Variants in PTPN22 observed in about 807,000 individuals in gnomAD.
PTPN22 encodes protein tyrosine phosphatase non-receptor type 22.
Under a neutral mutation model 103.3 loss-of-function variants are expected in PTPN22, and 85 were observed. The ratio of observed to expected loss-of-function variants is 0.82; its 90% CI spans 0.69 to 0.99. PTPN22 has a LOEUF of 0.99. PTPN22 is among the 50% of genes least tolerant of loss of function. The pLI is 0.00. For synonymous variants in PTPN22, 323 were observed against 310.2 expected (o/e 1.04, Z -0.43); for missense variants, 865 against 936.9 (o/e 0.92, Z 1.00).
intron 4 of PTPN22, 198 bp from the exon 5 acceptor site, chr1:113,857,974 T>C: frequency 2.2e-6 from 1 of 454,982 alleles, no homozygotes. Flanking sequence ...TTCCCCTTTC[T>C]CTGTTCAGAC....
chr1:113,851,945 C>G (rs1357107999), intron 10 of PTPN22, 82 bp downstream of exon 10: 2 of 998,722 alleles, frequency 2.0e-6, no homozygotes, highest in Non-Finnish European at 3.0e-6. Flanking sequence ...TCTGAGCAGT[C>G]AGCTGTTTTT....
intron 7 of PTPN22, among the ~76,000 whole-genome samples, chr1:113,856,079 T>A (rs1180825926): frequency 1.3e-5 from 2 of 152,196 alleles, no homozygotes; most frequent in Non-Finnish European, 2.9e-5. Flanking sequence ...AGTGGCACCA[T>A]CTCGGTTCAC....
intron 10 of PTPN22, 54 bp downstream of exon 10, chr1:113,851,973 A>C: frequency 7.1e-7 from 1 of 1,402,184 alleles, no homozygotes; most frequent in Middle Eastern, 1.8e-4. Flanking sequence ...TCACCATTAA[A>C]CAGATGGAGC....
chr1:113,855,161 C>A, intron 7 of PTPN22, 112 bp from the exon 8 acceptor site: 1 of 897,534 alleles, frequency 1.1e-6, no homozygotes, highest in Non-Finnish European at 1.7e-6. Context: ...ATGCATGCAA[C>A]AAACCTGCAC....
At chr1:113,833,336 A>G (rs758054421) in intron 15 of PTPN22, among the ~76,000 whole-genome samples, 198 bp from the exon 16 acceptor site, 9 of 152,170 alleles carry the variant, frequency 5.9e-5, no homozygotes, top group Non-Finnish European at 1.2e-4. Flanking sequence ...TGATTTTTAT[A>G]TCCCATGGCA....
At chr1:113,851,542 T>C (rs1664572569) in intron 10 of PTPN22, among the ~76,000 whole-genome samples, 1 of 152,184 alleles carries the variant, frequency 6.6e-6, no homozygotes, top group South Asian at 2.1e-4. Context: ...CTGTAGGTAA[T>C]AGGAATATGG....
Position 113,837,848 on chromosome 1 carries a change from GGT to G in PTPN22, c.1550_1551del (p.His517ProfsTer2). The G allele has an allele frequency of 6.2e-7, 1 of 1,613,890 alleles. No individual in the cohort carries two copies. The highest frequency in any genetic ancestry group is 8.5e-7 in the Non-Finnish European group (1 of 1,179,802). On this transcript the variant is annotated frameshift_variant, in exon 13 of 21. Transcript: ENST00000359785. LOFTEE classifies it high-confidence loss of function. ...TATACACCAAGAGCACTAGAGTCATGGTGCTTTACATTAGAGGCATTACGTAT... is the reference window on the plus strand; with the variant it reads ...TATACACCAAGAGCACTAGAGTCATGGCTTTACATTAGAGGCATTACGTAT...
At chr1:113,814,481 C>T (rs1387744563) in exon 21 of PTPN22, 2 of 160,630 alleles carry the variant, frequency 1.2e-5, no homozygotes, top group African/African-American at 4.8e-5. Context: ...GTTTGTATTG[C>T]AACCCACAAA....
chr1:113,834,318 T>A (rs779068856), exon 15 of PTPN22: 2 of 1,613,944 alleles, frequency 1.2e-6, no homozygotes, highest in South Asian at 1.1e-5. Context: ...CCTTGCTTGG[T>A]CTAAGTATCA....
chr1:113,849,049 A>G (rs1466583735), intron 10 of PTPN22, among the ~76,000 whole-genome samples: 2 of 152,154 alleles, frequency 1.3e-5, no homozygotes, highest in African/African-American at 4.8e-5. Context: ...TGGTATATAG[A>G]TAGATAACTT....
At chr1:113,858,543 T>C in exon 4 of PTPN22, 1 of 1,602,878 alleles carries the variant, frequency 6.2e-7, no homozygotes, top group Non-Finnish European at 8.5e-7. Flanking sequence ...GGACCCTGGG[T>C]GGCAATATAA....
chr1:113,871,508 ACC>A, intron 1 of PTPN22, 27 bp downstream of exon 1: 1 of 1,588,086 alleles, frequency 6.3e-7, no homozygotes, highest in East Asian at 2.2e-5. Context: ...GTATGTAACT[ACC>A]CTGAGAGGGT....
At position 113,819,392 on chromosome 1, in the gene PTPN22, T is replaced by C. The variant is rs369289298; in HGVS notation, c.2359+185A>G. 2.1e-4 allele frequency: 76 copies of C among 366,976 alleles called. 1 individual carries two copies. Among genetic ancestry groups the C allele is most frequent in the East Asian group, 1.6e-3 (38 of 24,444 alleles). The allele number at this position is 366,976 out of a possible 1,614,324, so 22.7% of individuals were successfully genotyped here. ...TATTTTCCACATATACTAGATAATT[T>C]AGTTCTGTGTGAGATGTTAAGAGGT... On this transcript the variant is annotated intron_variant, in intron 20 of 20. Transcript: ENST00000359785.
chr1:113,846,982 C>T (rs557256274), intron 11 of PTPN22, among the ~76,000 whole-genome samples: 2 of 148,334 alleles, frequency 1.3e-5, no homozygotes, highest in African/African-American at 4.9e-5. Context: ...TTTTGATGAC[C>T]CAATGCTAGA....
chr1:113,848,216 ATT>A (rs5777168), intron 11 of PTPN22, among the ~76,000 whole-genome samples: 13 of 142,796 alleles, frequency 9.1e-5, no homozygotes, highest in Non-Finnish European at 1.1e-4. Context: ...TCCTGGCTAA[ATT>A]TTTTTTTTTT....
At chr1:113,867,073 G>T (rs566905571) in intron 1 of PTPN22, among the ~76,000 whole-genome samples, 1 of 152,282 alleles carries the variant, frequency 6.6e-6, no homozygotes, top group South Asian at 2.1e-4. Flanking sequence ...GTTTTGATTT[G>T]TTAGAATGTT....
At chr1:113,867,563 T>G (rs1440144389) in intron 1 of PTPN22, among the ~76,000 whole-genome samples, 1 of 152,224 alleles carries the variant, frequency 6.6e-6, no homozygotes, top group East Asian at 1.9e-4. Context: ...AATATAGCAA[T>G]TAGTTGTTTA....
chr1:113,859,143 C>T (rs1665349412), intron 2 of PTPN22, 65 bp from the exon 3 acceptor site: 2 of 1,594,196 alleles, frequency 1.3e-6, no homozygotes, highest in African/African-American at 1.3e-5. Context: ...AAATCAGGGC[C>T]TAACACTGTG....
At chr1:113,822,531 TC>T (rs1310272747) in intron 19 of PTPN22, among the ~76,000 whole-genome samples, 1 of 152,182 alleles carries the variant, frequency 6.6e-6, no homozygotes, top group African/African-American at 2.4e-5. Flanking sequence ...TAAGATGGCT[TC>T]CCTTTGAGTT....
Sources: gnomAD v4.1 joint callset for allele counts (sites outside exome capture counted in the v4.1 genomes callset) on GRCh38, gnomAD v4.1.1 for gene constraint, MANE v1.5 for transcripts, NCBI Gene and HGNC (gene_info 2026-07-23, HGNC 2026-07-21) for gene names.